MAPK8: variants seen among roughly 807,000 people sequenced by gnomAD.
The protein encoded by MAPK8 is mitogen-activated protein kinase 8.
A neutral mutation model predicts 52.9 loss-of-function variants in MAPK8; 13 were observed. That is an observed-to-expected ratio of 0.25 (90% confidence interval 0.16 to 0.39). The LOEUF (loss-of-function observed/expected upper bound fraction) is 0.39, where lower values mean the gene tolerates loss of function less well. MAPK8 is among the 10% of genes least tolerant of loss of function. The pLI is 1.00. For synonymous variants in MAPK8, 191 were observed against 169.8 expected, an observed-to-expected ratio of 1.12 and a Z score of -0.97; for missense variants, 300 against 519.2, an observed-to-expected ratio of 0.58 and a Z score of 4.10.
chr10:48,393,956 G>C (rs934166302), intron 1 of MAPK8, among the ~76,000 whole-genome samples: 33 of 151,782 alleles, frequency 2.2e-4, no homozygotes, highest in African/African-American at 7.5e-4. Flanking sequence ...GAAAAAAGAA[G>C]ACACAAATGA....
At chr10:48,346,531 C>A (rs1416217213) in intron 1 of MAPK8, among the ~76,000 whole-genome samples, 1 of 152,228 alleles carries the variant, frequency 6.6e-6, no homozygotes, top group East Asian at 1.9e-4. Flanking sequence ...ACACCCGCTC[C>A]TTAGCAGACT....
intron 5 of MAPK8, among the ~76,000 whole-genome samples, chr10:48,419,501 TC>T (rs1346413365): frequency 3.3e-5 from 5 of 152,120 alleles, no homozygotes; most frequent in Non-Finnish European, 4.4e-5. Context: ...TCTGAATTAT[TC>T]AGTAGTATCT....
chr10:48,339,509 T>G (rs1164189124), intron 1 of MAPK8, among the ~76,000 whole-genome samples: 1 of 151,876 alleles, frequency 6.6e-6, no homozygotes, highest in African/African-American at 2.4e-5. Flanking sequence ...AAATATCTTT[T>G]GAACATTTAA....
At position 48,435,899 on chromosome 10, in the gene MAPK8, G is replaced by A. The variant is rs1428541437; in HGVS notation, c.*870G>A. 1.3e-5 allele frequency: 2 copies of A among 152,334 alleles called. No homozygotes were observed. The highest frequency in any genetic ancestry group is 2.4e-5 in the African/African-American group (1 of 41,574). 9.4% of individuals were successfully genotyped at this position (152,334 alleles called of 1,614,324 possible). A position where few individuals can be genotyped will look rare whatever the true frequency, so the allele number is the denominator to read the frequency against. Reference sequence around the variant, plus strand: ...TTCTACTAGCTATGAGCCTGTTTTTGTATACACTGAGTTAATCTACTCAGG... The same window carrying A: ...TTCTACTAGCTATGAGCCTGTTTTTATATACACTGAGTTAATCTACTCAGG... On this transcript the variant is annotated 3_prime_UTR_variant, in exon 12 of 12. Coordinates refer to ENST00000374189, the MANE Select transcript of MAPK8 (RefSeq NM_001323329.2).
chr10:48,337,591 T>C (rs1273810996), intron 1 of MAPK8, among the ~76,000 whole-genome samples: 2 of 151,636 alleles, frequency 1.3e-5, no homozygotes, highest in Non-Finnish European at 1.5e-5. Context: ...ACAAAAGAAA[T>C]AACAAAGATT....
intron 10 of MAPK8, 148 bp from the exon 11 acceptor site, chr10:48,431,045 A>C: frequency 7.6e-6 from 5 of 659,252 alleles, no homozygotes; most frequent in Admixed American, 2.9e-5. Context: ...ACATCCTTGA[A>C]TCTTAGGCCG....
At chr10:48,414,609 G>C (rs117548374) in intron 5 of MAPK8, among the ~76,000 whole-genome samples, 1,363 of 120,876 alleles carry the variant, frequency 0.011, 4 homozygotes, top group Non-Finnish European at 0.015. Context: ...CAGGGTCTCT[G>C]TCTGTCACCC....
intron 1 of MAPK8, among the ~76,000 whole-genome samples, chr10:48,345,569 T>C (rs1845688292): frequency 6.6e-6 from 1 of 152,224 alleles, no homozygotes; most frequent in Non-Finnish European, 1.5e-5. Context: ...AGTGATATGG[T>C]ACACATTTCT....
At chr10:48,310,753 G>A (rs368450205) in intron 1 of MAPK8, among the ~76,000 whole-genome samples, 1 of 148,128 alleles carries the variant, frequency 6.8e-6, no homozygotes, top group Admixed American at 6.8e-5. Context: ...GTGTGTGTGT[G>A]TATGTGTGTA....
Position 48,431,241 on chromosome 10 carries a change from G to T in MAPK8, c.1109G>T (p.Gly370Val). 6.2e-7 allele frequency: 1 copy of T among 1,612,154 alleles called. No individual in the cohort carries two copies. The highest frequency in any genetic ancestry group is 8.5e-7 in the Non-Finnish European group (1 of 1,178,252). Reference protein sequence around the residue: ...VMDLEERTKNGVIRGQPSPLG... With the variant: ...VMDLEERTKNVVIRGQPSPLG... ...GACTTGGAGGAGAGAACCAAGAATG[G>T]AGTTATACGGGGGCAGCCCTCTCCT... The change falls in exon 11 of 12, where the codon GGA becomes GTA. Residue 370 changes from glycine (G) to valine (V), a missense_variant. Around this residue, in one of 3 missense-constraint regions of MAPK8, gnomAD observed 119 missense variants for 154.4 expected, o/e 0.77. Transcript: ENST00000374189.
intron 1 of MAPK8, among the ~76,000 whole-genome samples, chr10:48,343,539 A>G (rs1434124502): frequency 1.3e-5 from 2 of 152,198 alleles, no homozygotes; most frequent in Non-Finnish European, 2.9e-5. Flanking sequence ...TGAACCTGCC[A>G]CTCAAGGGAA....
At chr10:48,339,813 A>G (rs1221318192) in intron 1 of MAPK8, among the ~76,000 whole-genome samples, 6 of 152,252 alleles carry the variant, frequency 3.9e-5, no homozygotes, top group Non-Finnish European at 7.3e-5. Context: ...GTGCAACATC[A>G]CTAATCATCA....
rs59042608 is a variant in MAPK8, at chr10:48,413,815, TTATATATATATATATATATATATA to T, written c.450+3669_450+3692del. Among the ~76,000 whole-genome samples, 55 of 48,408 alleles carry T rather than the reference TTATATATATATATATATATATATA, an allele frequency of 1.1e-3. No homozygotes were observed. In the East Asian group the frequency reaches 0.017, roughly 15 times the overall value. 31.8% of individuals were successfully genotyped at this position (48,408 alleles called of 152,430 possible). A position where few individuals can be genotyped will look rare whatever the true frequency, so the allele number is the denominator to read the frequency against. On this transcript the variant is annotated intron_variant, in intron 5 of 11. Coordinates refer to ENST00000374189, the MANE Select transcript of MAPK8 (RefSeq NM_001323329.2). ...CAAAATTGAGTATTTGCCAGAATTG[TTATATATATATATATATATATATA>T]TATATATATATATATATATATTCAG...
chr10:48,406,385 C>T (rs987198398), intron 3 of MAPK8, among the ~76,000 whole-genome samples: 1 of 152,178 alleles, frequency 6.6e-6, no homozygotes, highest in South Asian at 2.1e-4. Flanking sequence ...CTTAGTTTTT[C>T]CTTGGGGAGG....
chr10:48,313,091 G>GT (rs1218170739), intron 1 of MAPK8, among the ~76,000 whole-genome samples: 1 of 152,164 alleles, frequency 6.6e-6, no homozygotes, highest in Non-Finnish European at 1.5e-5. Flanking sequence ...AAAATCCCTA[G>GT]TAAGAGGTTG....
At chr10:48,337,662 G>A (rs1346092682) in intron 1 of MAPK8, among the ~76,000 whole-genome samples, 2 of 152,208 alleles carry the variant, frequency 1.3e-5, no homozygotes, top group East Asian at 1.9e-4. Context: ...AAAACGGAAA[G>A]TTCTGTTTGT....
At chr10:48,405,266 C>A (rs1299738628) in intron 3 of MAPK8, among the ~76,000 whole-genome samples, 1 of 152,108 alleles carries the variant, frequency 6.6e-6, no homozygotes, top group Non-Finnish European at 1.5e-5. Flanking sequence ...TTTTATTCAG[C>A]TTGATCTCAT....
chr10:48,351,871 A>G (rs1233919413), intron 1 of MAPK8, among the ~76,000 whole-genome samples: 3 of 152,176 alleles, frequency 2.0e-5, no homozygotes, highest in Admixed American at 6.5e-5. Context: ...CCCAAAATCT[A>G]AAAATGCTCC....
At chr10:48,374,708 T>TAGACCAATAACAAGTTCTGA (rs1191255227) in intron 1 of MAPK8, among the ~76,000 whole-genome samples, 5 of 152,274 alleles carry the variant, frequency 3.3e-5, no homozygotes, top group African/African-American at 1.2e-4. Context: ...AATCCCTGAA[T>TAGACCAATAACAAGTTCTGA]AGACCAATAA....
Sources: gnomAD v4.1 joint callset for allele counts (sites outside exome capture counted in the v4.1 genomes callset) on GRCh38, gnomAD v4.1.1 for gene constraint, gnomAD v4.1.1 regional missense constraint, MANE v1.5 for transcripts, NCBI Gene and HGNC (gene_info 2026-07-23, HGNC 2026-07-21) for gene names.